DNHD1: variants seen among roughly 807,000 people sequenced by gnomAD.
DNHD1 encodes dynein heavy chain domain-containing protein 1.
DNHD1 carries 383 observed loss-of-function variants against 458.1 expected under a neutral mutation model. The observed-to-expected ratio is 0.84, with a 90% CI of 0.77 to 0.91. The LOEUF (loss-of-function observed/expected upper bound fraction) is 0.91, where lower values mean the gene tolerates loss of function less well. Among genes scored for constraint, DNHD1 ranks in the 40% least tolerant of loss-of-function variants. The probability of loss-of-function intolerance (pLI) is 0.00; values close to 1 mark genes in which losing one functional copy is unlikely to be tolerated. For missense variants in DNHD1, 5,336 were observed against 5,866.1 expected (o/e 0.91, Z 2.95); for synonymous variants, 2,203 against 2,376.9 (o/e 0.93, Z 2.13).
chr11:6,548,617 T>C lies in DNHD1; in HGVS notation c.7099-28T>C. 6.4e-7 allele frequency: 1 copy of C among 1,550,636 alleles called. No individual in the cohort carries two copies. Among genetic ancestry groups the C allele is most frequent in the Non-Finnish European group, 8.7e-7 (1 of 1,146,784 alleles). ...GATTACTGTCTTATACTGGAGGTGC[T>C]GCAGTAAGTCCCACTTCTGTCTTGC... On this transcript the variant is annotated intron_variant, in intron 23 of 42. Transcript: ENST00000254579. The surrounding 1 kb of genome is among the most constrained non-coding windows in gnomAD (Gnocchi z 4.4).
rs1027007723 is a variant in DNHD1, at chr11:6,535,472, G to A, written c.2998+1299G>A. 6.6e-5 allele frequency among the ~76,000 whole-genome samples: 10 copies of A among 152,242 alleles called. No homozygotes were observed. In the South Asian group the frequency reaches 2.1e-3, roughly 32 times the overall value. On this transcript the variant is annotated intron_variant, in intron 14 of 42. Coordinates refer to ENST00000254579, the MANE Select transcript of DNHD1 (RefSeq NM_144666.3). ...ATGGATGATTCCAGGGCTGTGGCAG[G>A]GTAGGTACAAGATGAACCTAAAGTG...
chr11:6,510,906 T>G (rs1371767508), intron 6 of DNHD1, among the ~76,000 whole-genome samples: 3 of 152,190 alleles, frequency 2.0e-5, no homozygotes, highest in Non-Finnish European at 4.4e-5. Flanking sequence ...AAAACTTACC[T>G]GTCCACCTAG....
In DNHD1 at chr11:6,563,688, TCCAGGAGCTGGTGTTCTTCC is replaced by T; in HGVS notation, c.9853-1_9871del. ...TCCCCATCCCGTTAACATACATCCT[TCCAGGAGCTGGTGTTCTTCC>T]CCAAGGAGAAGATAACAGACTCAGA... On this transcript the variant is annotated splice_acceptor_variant and splice_polypyrimidine_tract_variant and coding_sequence_variant and intron_variant, in exon 31 of 43. Coordinates refer to ENST00000254579, the MANE Select transcript of DNHD1 (RefSeq NM_144666.3). LOFTEE classifies it high-confidence loss of function. 6.5e-7 allele frequency: 1 copy of T among 1,544,068 alleles called. No homozygotes were observed. The highest frequency in any genetic ancestry group is 1.2e-5 in the South Asian group (1 of 83,854).
At chr11:6,499,679 TGCC>T (rs1852097511) in intron 3 of DNHD1, among the ~76,000 whole-genome samples, 1 of 152,074 alleles carries the variant, frequency 6.6e-6, no homozygotes, top group South Asian at 2.1e-4. Flanking sequence ...GTGATTCTCC[TGCC>T]TCAGCCTCCT....
Position 6,567,821 on chromosome 11 carries a change from T to C in DNHD1, c.12312T>C (p.Pro4104=). The C allele has an allele frequency of 1.2e-6, 2 of 1,613,182 alleles. No individual in the cohort carries two copies. The highest frequency in any genetic ancestry group is 8.5e-7 in the Non-Finnish European group (1 of 1,179,860). ...PPGHPSATLH[P]LTVIQKLAAK... is the part of the protein sequence containing the mutation. Reference sequence around the variant, plus strand: ...GCCACCCCTCAGCCACTCTGCATCCTCTGACTGTCATCCAGAAACTGGCTG... The same window carrying C: ...GCCACCCCTCAGCCACTCTGCATCCCCTGACTGTCATCCAGAAACTGGCTG... Residue 4104 remains proline, a synonymous_variant, in exon 36 of 43, where the codon CCT becomes CCC. Transcript: ENST00000254579.
At chr11:6,529,437 G>A (rs572442746) in intron 12 of DNHD1, among the ~76,000 whole-genome samples, 1 of 152,222 alleles carries the variant, frequency 6.6e-6, no homozygotes, top group African/African-American at 2.4e-5. Context: ...TCTGCATGTA[G>A]CTGAGTGAAA....
rs1479770386 is a variant in DNHD1, at chr11:6,547,079, G to C, written c.6140G>C (p.Gly2047Ala). ...CAGGAGTTCCTGGGATGGCTAGAGG[G>C]CTCCTGCTGGCATCATGGCATCTTT... ...SPQEFLGWLEGSCWHHGIFPK... is the reference protein window; with the variant it reads ...SPQEFLGWLEASCWHHGIFPK... Residue 2047 changes from glycine (G) to alanine (A), a missense_variant, in exon 21 of 43, where the codon GGC (glycine) becomes GCC (alanine). Coordinates refer to ENST00000254579, the MANE Select transcript of DNHD1 (RefSeq NM_144666.3). 6.4e-7 allele frequency: 1 copy of C among 1,551,620 alleles called. No homozygotes were observed. The highest frequency in any genetic ancestry group is 8.7e-7 in the Non-Finnish European group (1 of 1,147,012).
At position 6,565,873 on chromosome 11, in the gene DNHD1, A is replaced by G; in HGVS notation, c.10935A>G (p.Thr3645=). 6.4e-7 allele frequency: 1 copy of G among 1,551,716 alleles called. No individual in the cohort carries two copies. The highest frequency in any genetic ancestry group is 8.7e-7 in the Non-Finnish European group (1 of 1,147,000). The change falls in exon 33 of 43, where the codon ACA becomes ACG. Residue 3645 remains threonine (T), a synonymous_variant. Transcript: ENST00000254579. ...ATGAAGAGAAAGAGGAGGAGAAGACAGAGAGCCAGGGGTCAAAGCCAGCCT... is the reference window on the plus strand; with the variant it reads ...ATGAAGAGAAAGAGGAGGAGAAGACGGAGAGCCAGGGGTCAAAGCCAGCCT... ...EENEEKEEEK[T]ESQGSKPAYE... is the part of the protein sequence containing the mutation.
chr11:6,528,816 G>A (rs749480268), intron 11 of DNHD1, 29 bp downstream of exon 11: 47 of 1,550,076 alleles, frequency 3.0e-5, no homozygotes, highest in Middle Eastern at 1.7e-4. Flanking sequence ...GGGATAGGGC[G>A]CTGCCCACCA....
At position 6,548,777 on chromosome 11, in the gene DNHD1, A is replaced by G. The variant is rs1315951846; in HGVS notation, c.7231A>G (p.Ser2411Gly). 9.0e-6 allele frequency: 14 copies of G among 1,551,494 alleles called. No homozygotes were observed. Among genetic ancestry groups the G allele is most frequent in the East Asian group, 2.4e-5 (1 of 40,914 alleles). The change falls in exon 24 of 43, where the codon AGC (serine) becomes GGC (glycine). Residue 2411 changes from serine to glycine, a missense_variant. By Grantham distance (56) the Ser-to-Gly change is moderately conservative. This residue lies in a region of DNHD1 where 3,932 missense variants were observed against 4,365.6 expected (regional missense o/e 0.90). Transcript: ENST00000254579. This position sits in a 1 kb window ranked among gnomAD's most constrained non-coding sequence, Gnocchi z 4.4. The stretch of plus-strand genomic sequence containing the variant: ...AGAGCCACATCACCCTTACATATAC[A>G]GCCCCATCCACCCTGCCTTCAGTTC... ...LVEPHHPYIY[S>G]PIHPAFSSSH...
chr11:6,512,429 A>C (rs61876827), intron 7 of DNHD1, among the ~76,000 whole-genome samples: 2 of 151,428 alleles, frequency 1.3e-5, no homozygotes, highest in South Asian at 2.1e-4. Flanking sequence ...TCACTGTGTT[A>C]GCCAGGATGG....
chr11:6,567,100 T>TA lies in DNHD1; in HGVS notation c.11593dup (p.Ser3865LysfsTer22), dbSNP rs995563517. 1.6e-5 allele frequency: 26 copies of TA among 1,613,902 alleles called. No homozygotes were observed. The highest frequency in any genetic ancestry group is 2.2e-5 in the Non-Finnish European group (26 of 1,179,894). On this transcript the variant is annotated frameshift_variant, in exon 36 of 43. Coordinates refer to ENST00000254579, the MANE Select transcript of DNHD1 (RefSeq NM_144666.3). LOFTEE classifies it high-confidence loss of function. ...CATGGAATGGCCATGGTAAAGGCCC[T>TA]AAGCCAACTGCAGAACCTGCTGCCA...
chr11:6,534,377 G>A (rs1023223986), intron 14 of DNHD1: 4 of 598,016 alleles, frequency 6.7e-6, no homozygotes, highest in African/African-American at 5.6e-5. Flanking sequence ...CTTAGGGTGG[G>A]GGTATGGGGG....
intron 25 of DNHD1, 86 bp downstream of exon 25, chr11:6,558,383 T>TA: frequency 6.5e-7 from 1 of 1,533,338 alleles, no homozygotes; most frequent in South Asian, 1.2e-5. Flanking sequence ...TGGGCTGCCA[T>TA]GAGGGCTGAG....
rs776367614 is a variant in DNHD1, at chr11:6,546,737, G to C, written c.5798G>C (p.Cys1933Ser). The change falls in exon 21 of 43, where the codon TGT becomes TCT. Residue 1933 changes from cysteine to serine, a missense_variant. Cys to Ser is a moderately radical substitution (Grantham distance 112). Around this residue, in one of 4 missense-constraint regions of DNHD1, gnomAD observed 3,932 missense variants for 4,365.6 expected, o/e 0.90. Coordinates refer to ENST00000254579, the MANE Select transcript of DNHD1 (RefSeq NM_144666.3). ...CTGCACAACCTCCGAGGGCTGTTGTGTGCGCTTTTCCCTAGCGCCAGCCAA... is the reference window on the plus strand; with the variant it reads ...CTGCACAACCTCCGAGGGCTGTTGTCTGCGCTTTTCCCTAGCGCCAGCCAA... Reference protein sequence around the residue: ...LHLHNLRGLLCALFPSASQVL... With the variant: ...LHLHNLRGLLSALFPSASQVL... 5.1e-5 allele frequency: 79 copies of C among 1,551,670 alleles called. No homozygotes were observed. Among genetic ancestry groups the C allele is most frequent in the Non-Finnish European group, 6.7e-5 (77 of 1,147,014 alleles).
intron 7 of DNHD1, among the ~76,000 whole-genome samples, chr11:6,512,319 C>T (rs1852357026): frequency 7.2e-6 from 1 of 138,134 alleles, no homozygotes; most frequent in African/African-American, 2.7e-5. Flanking sequence ...CTTCCGGGTT[C>T]ACGCCATTCT....
At chr11:6,516,343 G>A (rs1226771753) in intron 7 of DNHD1, among the ~76,000 whole-genome samples, 1 of 148,410 alleles carries the variant, frequency 6.7e-6, no homozygotes, top group Non-Finnish European at 1.5e-5. Context: ...GCCTAGGCTG[G>A]AGTGTAGTGG....
Position 6,498,267 on chromosome 11 carries a change from G to A in DNHD1, c.52G>A (p.Asp18Asn). ...VGLSSDETSS[D>N]SLKSWHSICV... ...TTTGTCTTCTGATGAGACATCATCT[G>A]ATTCCCTTAAGTCTTGGCACTCCAT... Residue 18 changes from aspartate (D) to asparagine (N), a missense_variant, in exon 3 of 43, where the codon GAT (aspartate) becomes AAT (asparagine). Coordinates refer to ENST00000254579, the MANE Select transcript of DNHD1 (RefSeq NM_144666.3). 2 of 1,614,208 alleles carry A rather than the reference G, an allele frequency of 1.2e-6. No homozygotes were observed. The highest frequency in any genetic ancestry group is 1.7e-6 in the Non-Finnish European group (2 of 1,180,040).
In DNHD1 at chr11:6,539,879, T is replaced by C; in HGVS notation, c.3424T>C (p.Trp1142Arg). Reference protein sequence around the residue: ...LEFADRINQVWQNENERIHAQ... With the variant: ...LEFADRINQVRQNENERIHAQ... ...TCCTGAGACCCAGCTGTTCCAGGTC[T>C]GGCAGAATGAAAATGAACGAATTCA... Residue 1142 changes from tryptophan to arginine, a missense_variant, in exon 18 of 43, where the codon TGG becomes CGG. Physicochemically the swap from Trp to Arg is moderately radical, Grantham distance 101. This residue lies in a region of DNHD1 where 3,932 missense variants were observed against 4,365.6 expected (regional missense o/e 0.90). Transcript: ENST00000254579. 1 of 1,551,742 alleles carries C rather than the reference T, an allele frequency of 6.4e-7. No individual in the cohort carries two copies.
Sources: gnomAD v4.1 joint callset for allele counts (sites outside exome capture counted in the v4.1 genomes callset) on GRCh38, gnomAD v4.1.1 for gene constraint, gnomAD v4.1.1 regional missense constraint, Gnocchi (gnomAD v3.1) non-coding constraint, MANE v1.5 for transcripts, NCBI Gene and HGNC (gene_info 2026-07-23, HGNC 2026-07-21) for gene names.